The following RTN4 variants were observed in gnomAD, a reference collection of about 807,000 sequenced individuals.
RTN4 encodes the protein reticulon 4, also known as reticulon-4.
Under a neutral mutation model 90.4 loss-of-function variants are expected in RTN4, and 32 were observed. The ratio of observed to expected loss-of-function variants is 0.35; its 90% CI spans 0.27 to 0.48. The LOEUF (loss-of-function observed/expected upper bound fraction) is 0.48. RTN4 is among the 20% of genes least tolerant of loss of function. The probability of loss-of-function intolerance (pLI) is 0.99; values close to 1 mark genes in which losing one functional copy is unlikely to be tolerated. For synonymous variants in RTN4, 629 were observed against 552.5 expected (o/e 1.14, Z -1.94); for missense variants, 1,706 against 1,430.2 (o/e 1.19, Z -3.11).
At chr2:55,039,967 A>C (rs1682961993) in intron 1 of RTN4, among the ~76,000 whole-genome samples, 1 of 152,172 alleles carries the variant, frequency 6.6e-6, no homozygotes, top group Admixed American at 6.5e-5. Flanking sequence ...CAAAATTTTA[A>C]TAAGGGAACA....
intron 1 of RTN4, among the ~76,000 whole-genome samples, chr2:55,111,190 C>T (rs1191762284): frequency 1.3e-5 from 2 of 152,022 alleles, no homozygotes; most frequent in Non-Finnish European, 2.9e-5. Context: ...TGCAAAGTTG[C>T]TTTTTATTTT....
upstream of RTN4, among the ~76,000 whole-genome samples, chr2:55,054,400 A>G (rs992787085): frequency 4.6e-5 from 7 of 152,242 alleles, no homozygotes; most frequent in Non-Finnish European, 8.8e-5. Flanking sequence ...TGAAGAATAC[A>G]GCACTACGCC....
chr2:55,012,640 G>C (rs1680728474), intron 3 of RTN4, among the ~76,000 whole-genome samples: 1 of 152,162 alleles, frequency 6.6e-6, no homozygotes, highest in African/African-American at 2.4e-5. Flanking sequence ...CTGACAAAAA[G>C]TAGGCACTAT....
intron 3 of RTN4, among the ~76,000 whole-genome samples, chr2:55,016,083 G>C (rs1490906211): frequency 6.6e-6 from 1 of 151,676 alleles, no homozygotes; most frequent in Non-Finnish European, 1.5e-5. Flanking sequence ...AATAACAAAG[G>C]AACAATCTAA....
At chr2:54,986,199 G>C (rs1678547059) in intron 4 of RTN4, among the ~76,000 whole-genome samples, 1 of 151,758 alleles carries the variant, frequency 6.6e-6, no homozygotes, top group Admixed American at 6.6e-5. Context: ...ATTTTCTTTT[G>C]TTTTTTTTCT....
At position 55,026,362 on chromosome 2, in the gene RTN4, C is replaced by T; in HGVS notation, c.1737G>A (p.Leu579=). The change falls in exon 3 of 9, where the codon TTG becomes TTA. Residue 579 remains leucine (L), a synonymous_variant. Transcript: ENST00000337526. ...TKIAYETKMD[L]VQTSEVMQES... ...CTTGCATAACTTCTGATGTTTGAAC[C>T]AAGTCCATTTTTGTTTCATAAGCAA... The T allele has an allele frequency of 6.2e-7, 1 of 1,613,900 alleles. No individual in the cohort carries two copies. Among genetic ancestry groups the T allele is most frequent in the South Asian group, 1.1e-5 (1 of 91,076 alleles).
At chr2:55,048,360 T>C (rs935253607) in intron 1 of RTN4, among the ~76,000 whole-genome samples, 1 of 152,238 alleles carries the variant, frequency 6.6e-6, no homozygotes, top group Admixed American at 6.5e-5. Flanking sequence ...TTTTCAATAA[T>C]AAATCAACCT....
chr2:55,131,934 C>T, the RTN4 span, among the ~76,000 whole-genome samples: 1 of 152,048 alleles, frequency 6.6e-6, no homozygotes, highest in Non-Finnish European at 1.5e-5. Flanking sequence ...TTTTTTATTA[C>T]ATGATATTTT....
the RTN4 span, among the ~76,000 whole-genome samples, chr2:55,135,669 T>A: frequency 1.3e-5 from 2 of 152,208 alleles, no homozygotes; most frequent in South Asian, 4.1e-4. Context: ...GAAGCCATCA[T>A]CACAATTAAG....
At chr2:55,117,169 C>T (rs181245331), upstream of RTN4, among the ~76,000 whole-genome samples, 102 of 152,262 alleles carry the variant, frequency 6.7e-4, 1 homozygote, top group African/African-American at 2.2e-3. Context: ...CCACCGCACC[C>T]GGCCAGATAG....
chr2:55,014,186 T>A (rs540988774), intron 3 of RTN4, among the ~76,000 whole-genome samples: 121 of 152,238 alleles, frequency 7.9e-4, no homozygotes, highest in Non-Finnish European at 1.5e-3. Flanking sequence ...TCTTAAGAAC[T>A]GGAAAAAGAT....
At chr2:55,120,391 C>G in the RTN4 span, among the ~76,000 whole-genome samples, 2 of 152,110 alleles carry the variant, frequency 1.3e-5, no homozygotes, top group East Asian at 1.9e-4. Context: ...GAAACTAGAG[C>G]CCAGGCTTGG....
chr2:54,973,958 T>A (rs749587246), intron 6 of RTN4, 91 bp from the exon 7 acceptor site: 1 of 1,120,758 alleles, frequency 8.9e-7, no homozygotes, highest in Non-Finnish European at 1.3e-6. Flanking sequence ...CAACTCAAGA[T>A]AACCAAGCAG....
At position 54,973,134 on chromosome 2, in the gene RTN4, C is replaced by T. The variant is rs1558746384; in HGVS notation, c.*22G>A. ...GAATATCCCCTTTAAAGATGAACTCCTACTAATTATTTTGGGCGTTTTCAT... is the reference window on the plus strand; with the variant it reads ...GAATATCCCCTTTAAAGATGAACTCTTACTAATTATTTTGGGCGTTTTCAT... On this transcript the variant is annotated 3_prime_UTR_variant, in exon 9 of 9. Transcript: ENST00000337526. 2 of 1,595,552 alleles carry T rather than the reference C, an allele frequency of 1.3e-6. No homozygotes were observed. The highest frequency in any genetic ancestry group is 1.7e-6 in the Non-Finnish European group (2 of 1,164,840).
At chr2:55,054,685 C>T (rs1668158905), upstream of RTN4, among the ~76,000 whole-genome samples, 1 of 152,078 alleles carries the variant, frequency 6.6e-6, no homozygotes, top group Non-Finnish European at 1.5e-5. Context: ...GTAGAGAAAC[C>T]TGTTTCAAGA....
chr2:54,993,360 CCTGT>C (rs1421923037), intron 3 of RTN4, among the ~76,000 whole-genome samples: 1 of 151,948 alleles, frequency 6.6e-6, no homozygotes, highest in Non-Finnish European at 1.5e-5. Context: ...AAAAGAACAC[CCTGT>C]CTGTTAGGTT....
chr2:55,105,267 T>C (rs1666658458), intron 1 of RTN4, among the ~76,000 whole-genome samples: 1 of 146,990 alleles, frequency 6.8e-6, no homozygotes, highest in South Asian at 2.2e-4. Flanking sequence ...TCTCACTCTG[T>C]CACCCAAGCT....
chr2:55,019,191 A>G (rs1681251562), intron 3 of RTN4, among the ~76,000 whole-genome samples: 2 of 152,246 alleles, frequency 1.3e-5, no homozygotes, highest in African/African-American at 4.8e-5. Flanking sequence ...TAGCTAATTA[A>G]TTCATTAATG....
chr2:55,054,656 G>A (rs963613953), upstream of RTN4, among the ~76,000 whole-genome samples: 2 of 152,130 alleles, frequency 1.3e-5, no homozygotes, highest in African/African-American at 4.8e-5. Flanking sequence ...GGTAAGAGAA[G>A]AAAGATGAGA....
Sources: gnomAD v4.1 joint callset for allele counts (sites outside exome capture counted in the v4.1 genomes callset) on GRCh38, gnomAD v4.1.1 for gene constraint, MANE v1.5 for transcripts, NCBI Gene and HGNC (gene_info 2026-07-23, HGNC 2026-07-21) for gene names.